GRIK4: variants seen among roughly 807,000 people sequenced by gnomAD.
The protein encoded by GRIK4 is glutamate ionotropic receptor kainate type subunit 4, also known as glutamate receptor ionotropic, kainate 4.
A neutral mutation model predicts 104.9 loss-of-function variants in GRIK4; 40 were observed. The observed-to-expected ratio is 0.38, with a 90% CI of 0.30 to 0.50. The LOEUF is 0.50. Among genes scored for constraint, GRIK4 ranks in the 20% least tolerant of loss-of-function variants. GRIK4 has a pLI of 0.93. For synonymous variants in GRIK4, 485 were observed against 524.9 expected, an observed-to-expected ratio of 0.92 and a Z score of 1.04; for missense variants, 1,047 against 1,308.1, an observed-to-expected ratio of 0.80 and a Z score of 3.08.
At chr11:120,754,925 C>T (rs1021082041) in intron 3 of GRIK4, among the ~76,000 whole-genome samples, 3 of 151,980 alleles carry the variant, frequency 2.0e-5, no homozygotes, top group Admixed American at 6.6e-5. Context: ...TAGGTATAAC[C>T]CCTTATCATT....
intron 1 of GRIK4, among the ~76,000 whole-genome samples, chr11:120,527,998 C>A (rs59912111): frequency 0.34 from 52,390 of 151,996 alleles, 10,138 homozygotes; most frequent in African/African-American, 0.53. Context: ...TTTTTTGAGA[C>A]AGGGTCTCAC....
chr11:120,533,059 G>A (rs543584404), intron 1 of GRIK4, among the ~76,000 whole-genome samples: 6 of 152,292 alleles, frequency 3.9e-5, no homozygotes, highest in Non-Finnish European at 7.3e-5. Flanking sequence ...GTAGGGGGGC[G>A]CAGAGACATG....
chr11:120,590,374 G>A (rs1016789004), intron 1 of GRIK4, among the ~76,000 whole-genome samples: 10 of 152,222 alleles, frequency 6.6e-5, no homozygotes, highest in Middle Eastern at 3.2e-3. Context: ...GAATGAAATT[G>A]TCTTGCAGAA....
rs146411018 is a variant in GRIK4 at position 120,644,336 on chromosome 11, G to A, written c.-158-9349G>A. ...TTCCAGGCAACGGGAATGTGGTACC[G>A]TTGTGAATTATATTTATTGATAACT... On this transcript the variant is annotated intron_variant, in intron 1 of 20. Transcript: ENST00000527524. Among the ~76,000 whole-genome samples the A allele has an allele frequency of 3.2e-3, 480 of 152,294 alleles. 2 individuals are homozygous for A. Among genetic ancestry groups the A allele is most frequent in the African/African-American group, 0.011 (444 of 41,546 alleles).
At chr11:120,803,082 C>T (rs776933063) in intron 4 of GRIK4, among the ~76,000 whole-genome samples, 6 of 152,128 alleles carry the variant, frequency 3.9e-5, no homozygotes, top group Non-Finnish European at 8.8e-5. Context: ...ACAGGATACC[C>T]ATTCATTCAT....
chr11:120,833,284 T>G (rs1377285017), intron 7 of GRIK4, among the ~76,000 whole-genome samples: 2 of 78,296 alleles, frequency 2.6e-5, no homozygotes, highest in Non-Finnish European at 5.1e-5. Flanking sequence ...TCTCTCTCTT[T>G]CTCTCTGACA....
intron 3 of GRIK4, among the ~76,000 whole-genome samples, chr11:120,692,188 T>C (rs986684129): frequency 3.3e-5 from 5 of 152,228 alleles, no homozygotes; most frequent in African/African-American, 7.2e-5. Context: ...GGAAGACATC[T>C]GTCTCTGGGG....
At chr11:120,758,754 T>G (rs1951695146) in intron 3 of GRIK4, among the ~76,000 whole-genome samples, 1 of 152,148 alleles carries the variant, frequency 6.6e-6, no homozygotes, top group South Asian at 2.1e-4. Context: ...AATCACCAGC[T>G]GTTAATTGGT....
intron 15 of GRIK4, among the ~76,000 whole-genome samples, chr11:120,954,401 T>G (rs536133415): frequency 6.6e-6 from 1 of 150,560 alleles, no homozygotes; most frequent in South Asian, 2.1e-4. Context: ...GCCTGCGAGA[T>G]GGGGAGCTAG....
chr11:120,962,914 T>C (rs1944317031), intron 18 of GRIK4: 1 of 433,418 alleles, frequency 2.3e-6, no homozygotes, highest in South Asian at 4.7e-5. Context: ...AGTTGATTAG[T>C]TACTGATTGA....
intron 6 of GRIK4, among the ~76,000 whole-genome samples, chr11:120,830,043 T>G (rs1418744577): frequency 6.6e-6 from 1 of 152,040 alleles, no homozygotes; most frequent in African/African-American, 2.4e-5. Context: ...CAGGGCTTCT[T>G]CCCAACCTGC....
rs201131564 is a variant in GRIK4, at chr11:120,668,338, AAAG to A, written c.82+7941_82+7943del. Among the ~76,000 whole-genome samples the A allele has an allele frequency of 2.6e-3, 402 of 151,960 alleles. 2 individuals are homozygous for A. Among genetic ancestry groups the A allele is most frequent in the African/African-American group, 8.1e-3 (336 of 41,442 alleles). ...AAGAAAGGAAGGAAGGAAAGAAAGAAAAGAATGAAAGAGAGAAAGAGGGAAAGA... is the reference window on the plus strand; with the variant it reads ...AAGAAAGGAAGGAAGGAAAGAAAGAAAATGAAAGAGAGAAAGAGGGAAAGA... On this transcript the variant is annotated intron_variant, in intron 3 of 20. Transcript: ENST00000527524.
At chr11:120,517,998 G>C (rs747830045) in intron 1 of GRIK4, among the ~76,000 whole-genome samples, 1 of 152,180 alleles carries the variant, frequency 6.6e-6, no homozygotes, top group Non-Finnish European at 1.5e-5. Context: ...GGAAGATAGG[G>C]CACATCTGGA....
intron 3 of GRIK4, among the ~76,000 whole-genome samples, chr11:120,707,780 C>T (rs1159717042): frequency 6.6e-6 from 1 of 152,132 alleles, no homozygotes; most frequent in Non-Finnish European, 1.5e-5. Context: ...TGGCTACAGG[C>T]TGGAGGTGCT....
At chr11:120,760,273 G>A (rs1477787072) in intron 3 of GRIK4, among the ~76,000 whole-genome samples, 1 of 150,776 alleles carries the variant, frequency 6.6e-6, no homozygotes, top group Admixed American at 6.6e-5. Flanking sequence ...TATTCACTTA[G>A]CATATTGTTC....
At position 120,771,053 on chromosome 11, in the gene GRIK4, G is replaced by C. The variant is rs1951931845; in HGVS notation, c.83-31640G>C. On this transcript the variant is annotated intron_variant, in intron 3 of 20. Coordinates refer to ENST00000527524, the MANE Select transcript of GRIK4 (RefSeq NM_014619.5). ...CTCTAACAAATACCTAAAATGTGGA[G>C]TCAACTTTGGAACTGGGTAATGGGT... 2.0e-5 allele frequency among the ~76,000 whole-genome samples: 3 copies of C among 152,192 alleles called. No homozygotes were observed. The South Asian group carries it at 6.2e-4, about 32-fold the overall frequency.
chr11:120,560,058 A>AT (rs952969179), intron 1 of GRIK4, among the ~76,000 whole-genome samples: 54 of 147,158 alleles, frequency 3.7e-4, no homozygotes, highest in East Asian at 7.9e-4. Flanking sequence ...TTCCAAGCAG[A>AT]TTTTTTTTTT....
intron 3 of GRIK4, among the ~76,000 whole-genome samples, chr11:120,722,801 G>A (rs1164384834): frequency 2.6e-5 from 4 of 152,182 alleles, no homozygotes; most frequent in Admixed American, 2.6e-4. Context: ...AGGTTTCAGG[G>A]AATCTTTTGC....
chr11:120,715,769 G>C (rs1391360075), intron 3 of GRIK4, among the ~76,000 whole-genome samples: 1 of 152,194 alleles, frequency 6.6e-6, no homozygotes, highest in Non-Finnish European at 1.5e-5. Flanking sequence ...CCCTTTTGTG[G>C]GGCTGCTGTA....
Sources: allele counts gnomAD v4.1 joint callset (sites outside exome capture counted in the v4.1 genomes callset), GRCh38; gene constraint gnomAD v4.1.1; transcripts MANE v1.5; gene names NCBI Gene and HGNC (gene_info 2026-07-23, HGNC 2026-07-21).